MYT1L: variants seen among roughly 807,000 people sequenced by gnomAD.
MYT1L encodes myelin transcription factor 1 like.
In MYT1L, 12 loss-of-function variants were observed where a neutral mutation model predicts 126.7. That is an observed-to-expected ratio of 0.09 (90% CI 0.06 to 0.15). The LOEUF is 0.15. Ranked by LOEUF, MYT1L falls within the 10% of genes least tolerant of loss-of-function variation. MYT1L has a pLI of 1.00. For synonymous variants in MYT1L, 541 were observed against 604.2 expected, an observed-to-expected ratio of 0.90 and a Z score of 1.53; for missense variants, 979 against 1,585.2, an observed-to-expected ratio of 0.62 and a Z score of 6.49.
At chr2:2,109,875 T>TATATA (rs2079178183) in intron 3 of MYT1L, among the ~76,000 whole-genome samples, 1 of 63,874 alleles carries the variant, frequency 1.6e-5, no homozygotes, top group Admixed American at 1.8e-4. Context: ...AGTGCTGATT[T>TATATA]TATATATATA....
intron 2 of MYT1L, among the ~76,000 whole-genome samples, chr2:2,186,340 C>T (rs2092192545): frequency 6.6e-6 from 1 of 151,870 alleles, no homozygotes; most frequent in Admixed American, 6.6e-5. Context: ...GTGAGGGGGA[C>T]GCAGCCGGGC....
At chr2:2,203,008 C>G (rs1277558127) in intron 2 of MYT1L, among the ~76,000 whole-genome samples, 1 of 150,888 alleles carries the variant, frequency 6.6e-6, no homozygotes, top group Non-Finnish European at 1.5e-5. Context: ...ATAAACAGAA[C>G]CAAAGACAAA....
chr2:2,155,311 A>G (rs964958638), intron 3 of MYT1L, among the ~76,000 whole-genome samples: 6 of 152,234 alleles, frequency 3.9e-5, no homozygotes, highest in African/African-American at 1.4e-4. Flanking sequence ...GATGGGACTC[A>G]GGGAAACGAG....
At chr2:2,046,691 C>T (rs1406312553) in intron 4 of MYT1L, among the ~76,000 whole-genome samples, 1 of 152,200 alleles carries the variant, frequency 6.6e-6, no homozygotes, top group African/African-American at 2.4e-5. Context: ...ATGCTCTTGG[C>T]TTCTGCACTG....
At chr2:1,938,229 T>TGAACTCCAG (rs1420240687) in intron 9 of MYT1L, among the ~76,000 whole-genome samples, 2 of 152,244 alleles carry the variant, frequency 1.3e-5, no homozygotes, top group Non-Finnish European at 2.9e-5. Flanking sequence ...TTTAGAGATA[T>TGAACTCCAG]TTTAGTGGAC....
chr2:1,823,437 G>A (rs374459592), intron 21 of MYT1L, among the ~76,000 whole-genome samples: 12 of 152,318 alleles, frequency 7.9e-5, no homozygotes, highest in South Asian at 2.1e-4. Flanking sequence ...CTTCGGCTCC[G>A]GGGTCCTGGA....
chr2:1,983,280 T>G (rs1036708965), intron 5 of MYT1L, among the ~76,000 whole-genome samples: 2 of 152,196 alleles, frequency 1.3e-5, no homozygotes, highest in Non-Finnish European at 2.9e-5. Flanking sequence ...CAGGAGATAA[T>G]TTATGAAAGA....
At chr2:2,103,745 C>A (rs942234515) in intron 3 of MYT1L, among the ~76,000 whole-genome samples, 2 of 152,208 alleles carry the variant, frequency 1.3e-5, no homozygotes, top group African/African-American at 2.4e-5. Context: ...TGGGATGCTC[C>A]GCAGACATAC....
rs1279654807 is a variant in MYT1L at position 1,889,649 on chromosome 2, A to G, written c.2284-172T>C. Among the ~76,000 whole-genome samples the G allele has an allele frequency of 6.6e-6, 1 of 152,142 alleles. No homozygotes were observed. The highest frequency in any genetic ancestry group is 1.9e-4 in the East Asian group (1 of 5,188). ...AGGCGGACAGGCCTTGTCTGGTGGT[A>G]CATTCCTGCTATCCCACGCTTAGCT... On this transcript the variant is annotated intron_variant, in intron 15 of 24. Transcript: ENST00000647738. This position sits in a 1 kb window ranked among gnomAD's most constrained non-coding sequence, Gnocchi z 4.1.
chr2:2,076,711 T>C (rs1369584237), intron 3 of MYT1L, among the ~76,000 whole-genome samples: 1 of 152,176 alleles, frequency 6.6e-6, no homozygotes, highest in Non-Finnish European at 1.5e-5. Context: ...TCTTGGGGAA[T>C]GTAAGAATCT....
In MYT1L at chr2:2,138,047, C is replaced by T. The variant is rs531654273; in HGVS notation, c.-304+34825G>A. On this transcript the variant is annotated intron_variant, in intron 3 of 24. Transcript: ENST00000647738. ...GGGCAAAGGACATGAACAGACACTTCGCAAAATAAGACATTTATGCAGCCA... is the reference window on the plus strand; with the variant it reads ...GGGCAAAGGACATGAACAGACACTTTGCAAAATAAGACATTTATGCAGCCA... Among the ~76,000 whole-genome samples, 743 of 152,272 alleles carry T rather than the reference C, an allele frequency of 4.9e-3. 5 individuals are homozygous for T. Among genetic ancestry groups the T allele is most frequent in the African/African-American group, 0.017 (717 of 41,534 alleles).
intron 3 of MYT1L, among the ~76,000 whole-genome samples, chr2:2,168,975 G>A (rs2089597002): frequency 6.6e-6 from 1 of 152,018 alleles, no homozygotes; most frequent in Non-Finnish European, 1.5e-5. Flanking sequence ...TACAGTTCTG[G>A]GAAATTCTAA....
intron 22 of MYT1L, among the ~76,000 whole-genome samples, chr2:1,803,264 G>A (rs2035163964): frequency 6.6e-6 from 1 of 152,212 alleles, no homozygotes; most frequent in Non-Finnish European, 1.5e-5. Flanking sequence ...ACAAGCTTCT[G>A]TTAAACTGCA....
chr2:1,966,967 TTGATAC>T (rs1490445547), intron 8 of MYT1L, among the ~76,000 whole-genome samples: 1 of 152,230 alleles, frequency 6.6e-6, no homozygotes, highest in Admixed American at 6.5e-5. Flanking sequence ...GCTAGATGTG[TTGATAC>T]TGGGAAGCAA....
intron 2 of MYT1L, among the ~76,000 whole-genome samples, chr2:2,272,786 C>T (rs920657530): frequency 6.6e-6 from 1 of 152,182 alleles, no homozygotes; most frequent in Non-Finnish European, 1.5e-5. Context: ...CACTTTCATT[C>T]CATTGGCTGC....
chr2:2,142,776 T>G (rs567137738), intron 3 of MYT1L, among the ~76,000 whole-genome samples: 2 of 152,004 alleles, frequency 1.3e-5, no homozygotes, highest in South Asian at 4.2e-4. Context: ...AACCTCTGCC[T>G]CCTGGGTTCA....
intron 4 of MYT1L, among the ~76,000 whole-genome samples, chr2:2,021,590 G>A (rs1325876006): frequency 6.6e-6 from 1 of 152,128 alleles, no homozygotes; most frequent in Non-Finnish European, 1.5e-5. Context: ...ACTTTTACTT[G>A]CATTCATTAA....
intron 3 of MYT1L, among the ~76,000 whole-genome samples, chr2:2,108,319 T>C (rs926859863): frequency 6.6e-6 from 1 of 152,144 alleles, no homozygotes; most frequent in Admixed American, 6.5e-5. Flanking sequence ...GATGAGTTCT[T>C]AGGAATGGAC....
intron 4 of MYT1L, among the ~76,000 whole-genome samples, chr2:1,999,902 T>C (rs191482942): frequency 6.1e-4 from 93 of 152,358 alleles, no homozygotes; most frequent in African/African-American, 2.0e-3. Context: ...ATATTCATAG[T>C]ATAAATTCAA....
Sources: allele counts gnomAD v4.1 joint callset (sites outside exome capture counted in the v4.1 genomes callset), GRCh38; gene constraint gnomAD v4.1.1; non-coding constraint Gnocchi (gnomAD v3.1); transcripts MANE v1.5; gene names NCBI Gene and HGNC (gene_info 2026-07-23, HGNC 2026-07-21).